ATAD1: variants seen among roughly 807,000 people sequenced by gnomAD.
ATAD1 encodes ATPase family AAA domain containing 1.
A neutral mutation model predicts 42.7 loss-of-function variants in ATAD1; 18 were observed. The observed-to-expected ratio is 0.42, with a 90% CI of 0.29 to 0.63. ATAD1 has a LOEUF of 0.63. ATAD1 is among the 20% of genes least tolerant of loss of function. ATAD1 has a pLI of 0.19. For synonymous variants in ATAD1, 132 were observed against 143.1 expected (o/e 0.92, Z 0.55); for missense variants, 294 against 440.4 (o/e 0.67, Z 2.98).
rs1854040420 is a variant in ATAD1 at position 87,752,079 on chromosome 10, T to C, written c.*2608A>G. ...ACAGAATAGAGTACCCCAACCCAGC[T>C]CTTAATGAATGCTGGGTTTACCTGC... On this transcript the variant is annotated 3_prime_UTR_variant, in exon 10 of 10. Coordinates refer to ENST00000680024, the MANE Select transcript of ATAD1 (RefSeq NM_001321967.2). The C allele has an allele frequency of 6.6e-6, 1 of 152,076 alleles. No homozygotes were observed. The allele number at this position is 152,076 out of a possible 1,614,324, so 9.4% of individuals were successfully genotyped here.
intron 1 of ATAD1, among the ~76,000 whole-genome samples, chr10:87,829,273 T>TTAG (rs1430763730): frequency 2.0e-5 from 2 of 98,000 alleles, no homozygotes; most frequent in African/African-American, 7.7e-5. Context: ...TTATTTATTA[T>TTAG]GAGATGGAGT....
chr10:87,759,572 T>C (rs1213107652), intron 8 of ATAD1, among the ~76,000 whole-genome samples: 1 of 152,216 alleles, frequency 6.6e-6, no homozygotes, highest in Non-Finnish European at 1.5e-5. Context: ...CCCTATGTTC[T>C]AACCACTCAC....
At chr10:87,811,834 C>T (rs781602130) in intron 2 of ATAD1, among the ~76,000 whole-genome samples, 9 of 152,180 alleles carry the variant, frequency 5.9e-5, no homozygotes. Flanking sequence ...AACATTTCCT[C>T]CTGAATTCCT....
chr10:87,830,210 G>T (rs1201326465), intron 1 of ATAD1, among the ~76,000 whole-genome samples: 1 of 152,192 alleles, frequency 6.6e-6, no homozygotes, highest in East Asian at 1.9e-4. Context: ...GTAAGGGCCA[G>T]ATCAAAAGCT....
intron 7 of ATAD1, among the ~76,000 whole-genome samples, chr10:87,767,927 C>T (rs1428186212): frequency 2.0e-5 from 3 of 152,070 alleles, no homozygotes; most frequent in Non-Finnish European, 4.4e-5. Context: ...TATCTTCTTA[C>T]TCTCATCCCC....
chr10:87,770,322 G>A (rs1480801808), intron 7 of ATAD1, among the ~76,000 whole-genome samples: 1 of 152,156 alleles, frequency 6.6e-6, no homozygotes, highest in East Asian at 1.9e-4. Context: ...GCAGTCTGAA[G>A]GCAGACAGAA....
chr10:87,788,392 A>T (rs1335784851), intron 4 of ATAD1, among the ~76,000 whole-genome samples: 2 of 152,188 alleles, frequency 1.3e-5, no homozygotes, highest in Non-Finnish European at 2.9e-5. Context: ...TATCCAATTT[A>T]TATTGAGGGT....
chr10:87,769,992 A>G (rs1854954668), intron 7 of ATAD1, among the ~76,000 whole-genome samples: 1 of 152,146 alleles, frequency 6.6e-6, no homozygotes, highest in South Asian at 2.1e-4. Flanking sequence ...AGTCTCCTAA[A>G]TTAAGTTTAA....
At chr10:87,828,097 A>G (rs1857761759) in intron 1 of ATAD1, among the ~76,000 whole-genome samples, 1 of 151,902 alleles carries the variant, frequency 6.6e-6, no homozygotes, top group South Asian at 2.1e-4. Flanking sequence ...AGCTTGTACT[A>G]CAGGCGCACA....
chr10:87,838,400 A>G (rs558432600), intron 1 of ATAD1, among the ~76,000 whole-genome samples: 1 of 134,420 alleles, frequency 7.4e-6, no homozygotes, highest in Non-Finnish European at 1.5e-5. Flanking sequence ...GGTGGTGCAC[A>G]CCTGTAGCCT....
At chr10:87,780,950 G>A (rs145835060) in intron 5 of ATAD1, among the ~76,000 whole-genome samples, 1 of 152,200 alleles carries the variant, frequency 6.6e-6, no homozygotes, top group Non-Finnish European at 1.5e-5. Flanking sequence ...CAAAAAACTA[G>A]GACCATGGGG....
At chr10:87,773,534 AC>A (rs1411695012) in intron 6 of ATAD1, among the ~76,000 whole-genome samples, 4 of 152,082 alleles carry the variant, frequency 2.6e-5, no homozygotes, top group African/African-American at 9.7e-5. Flanking sequence ...ATCAACTTTA[AC>A]CCCCGCCCCC....
chr10:87,825,411 G>A (rs528757614), intron 1 of ATAD1, among the ~76,000 whole-genome samples: 24 of 148,450 alleles, frequency 1.6e-4, no homozygotes, highest in Admixed American at 3.5e-4. Flanking sequence ...CTAGGTTCAC[G>A]CCATTCTCCT....
At chr10:87,839,613 C>T (rs1297575448) in intron 1 of ATAD1, among the ~76,000 whole-genome samples, 6 of 152,078 alleles carry the variant, frequency 3.9e-5, no homozygotes, top group East Asian at 3.9e-4. Flanking sequence ...TCAAGTGGGA[C>T]GAAGACTCTA....
At chr10:87,767,586 C>T (rs1282719811) in intron 8 of ATAD1, 87 bp downstream of exon 8, 12 of 1,257,792 alleles carry the variant, frequency 9.5e-6, no homozygotes, top group African/African-American at 4.5e-5. Context: ...GTATATCATT[C>T]TCAGATTCCT....
At chr10:87,813,408 G>T (rs977915017) in intron 2 of ATAD1, among the ~76,000 whole-genome samples, 1 of 150,816 alleles carries the variant, frequency 6.6e-6, no homozygotes, top group Non-Finnish European at 1.5e-5. Flanking sequence ...TTACAAATAG[G>T]CTGATAATAT....
intron 4 of ATAD1, among the ~76,000 whole-genome samples, chr10:87,787,097 G>A (rs1203213114): frequency 6.6e-6 from 1 of 152,174 alleles, no homozygotes; most frequent in Non-Finnish European, 1.5e-5. Context: ...ATTACGATGG[G>A]TGACAAATGA....
At chr10:87,774,565 T>C (rs887475096) in intron 6 of ATAD1, among the ~76,000 whole-genome samples, 3 of 152,100 alleles carry the variant, frequency 2.0e-5, no homozygotes, top group Non-Finnish European at 2.9e-5. Flanking sequence ...AGTCAGATAG[T>C]AGAAGAGCTT....
At chr10:87,782,897 T>G (rs538560619) in intron 5 of ATAD1, among the ~76,000 whole-genome samples, 4 of 151,900 alleles carry the variant, frequency 2.6e-5, no homozygotes, top group African/African-American at 9.7e-5. Flanking sequence ...ACTTGAAAGG[T>G]TGAGGCAGGA....
Sources: gnomAD v4.1 joint callset for allele counts (sites outside exome capture counted in the v4.1 genomes callset) on GRCh38, gnomAD v4.1.1 for gene constraint, MANE v1.5 for transcripts, NCBI Gene and HGNC (gene_info 2026-07-23, HGNC 2026-07-21) for gene names.